The following CLIP1 variants were observed in gnomAD, a reference collection of about 807,000 sequenced individuals.
CLIP1 encodes the protein CAP-Gly domain containing linker protein 1, also known as CAP-Gly domain-containing linker protein 1.
A neutral mutation model predicts 161.6 loss-of-function variants in CLIP1; 66 were observed. The ratio of observed to expected loss-of-function variants is 0.41; its 90% CI spans 0.33 to 0.50. The LOEUF (loss-of-function observed/expected upper bound fraction) is 0.50, where lower values mean the gene tolerates loss of function less well. CLIP1 is among the 20% of genes least tolerant of loss of function. The pLI, the probability that CLIP1 is intolerant of heterozygous loss-of-function variation, is 0.27. For synonymous variants in CLIP1, 598 were observed against 626.2 expected (o/e 0.96, Z 0.67); for missense variants, 1,376 against 1,702.0 (o/e 0.81, Z 3.37).
chr12:122,398,170 C>A (rs892856045), intron 1 of CLIP1, among the ~76,000 whole-genome samples: 6 of 150,724 alleles, frequency 4.0e-5, no homozygotes, highest in Non-Finnish European at 5.9e-5. Flanking sequence ...AATCGCAGCA[C>A]TTCGGAAGGC....
Position 122,355,986 on chromosome 12 carries a change from T to C in CLIP1, c.1006-674A>G, listed in dbSNP as rs1446975627. The C allele has an allele frequency of 1.3e-5, 2 of 152,196 alleles. No homozygotes were observed. The highest frequency in any genetic ancestry group is 4.8e-5 in the African/African-American group (2 of 41,438). The allele number at this position is 152,196 out of a possible 1,614,324, so 9.4% of individuals were successfully genotyped here. On this transcript the variant is annotated intron_variant, in intron 5 of 25. Coordinates refer to ENST00000620786, the MANE Select transcript of CLIP1 (RefSeq NM_001247997.2). This position sits in a 1 kb window ranked among gnomAD's most constrained non-coding sequence, Gnocchi z 4.1. ...GCCTGAAAGCTCTTCTCTTCATCGG[T>C]TTCCCTAGGCCCTTACTGCAAGATG...
At chr12:122,278,714 C>T (rs560813300) in intron 23 of CLIP1, 78 bp downstream of exon 23, 13 of 1,441,148 alleles carry the variant, frequency 9.0e-6, no homozygotes, top group Non-Finnish European at 1.0e-5. Flanking sequence ...GAGCTGTCTT[C>T]GAAGAGCATC....
rs71082966 is a variant in CLIP1 at position 122,330,597 on chromosome 12, G to GTTTTT, written c.2868-2176_2868-2172dup. ...TTCAGCACTGAAGAAGTATAATGCA[G>GTTTTT]TTTTTTTTTTTTTTTTTTTTGAGAT... On this transcript the variant is annotated intron_variant, in intron 15 of 25. Coordinates refer to ENST00000620786, the MANE Select transcript of CLIP1 (RefSeq NM_001247997.2). 5.8e-3 allele frequency among the ~76,000 whole-genome samples: 586 copies of GTTTTT among 101,302 alleles called. 28 individuals are homozygous for GTTTTT. The highest frequency in any genetic ancestry group is 6.9e-3 in the East Asian group (23 of 3,316). The allele number at this position is 101,302 out of a possible 152,430, so 66.5% of individuals were successfully genotyped here.
intron 24 of CLIP1, 149 bp downstream of exon 24, chr12:122,278,005 T>C (rs1384423904): frequency 1.4e-6 from 1 of 718,324 alleles, no homozygotes; most frequent in African/African-American, 1.8e-5. Flanking sequence ...ATATTTTTAA[T>C]TCTGTTTAAT....
intron 11 of CLIP1, among the ~76,000 whole-genome samples, chr12:122,338,850 A>G (rs1952361943): frequency 6.6e-6 from 1 of 152,206 alleles, no homozygotes; most frequent in Non-Finnish European, 1.5e-5. Flanking sequence ...TTGTGTTTTG[A>G]TTAGTATTTC....
At chr12:122,274,408 C>T (rs1265345524) in intron 24 of CLIP1, 12 of 348,944 alleles carry the variant, frequency 3.4e-5, no homozygotes, top group East Asian at 2.0e-4. Flanking sequence ...TCTTTTACCC[C>T]CTCACACCTT....
chr12:122,330,628 C>G (rs1191985276), intron 15 of CLIP1, among the ~76,000 whole-genome samples: 3 of 98,174 alleles, frequency 3.1e-5, no homozygotes, highest in African/African-American at 1.7e-4. Flanking sequence ...GAGATGGAGT[C>G]TCGCACTGTT....
intron 19 of CLIP1, 135 bp downstream of exon 19, chr12:122,316,614 T>C: frequency 1.8e-6 from 1 of 563,778 alleles, no homozygotes; most frequent in Non-Finnish European, 3.1e-6. Context: ...CTGATGTTGC[T>C]TCTGGGGTAT....
chr12:122,352,926 G>A (rs931751543), intron 7 of CLIP1, 140 bp from the exon 8 acceptor site: 8 of 696,294 alleles, frequency 1.1e-5, no homozygotes, highest in East Asian at 2.6e-5. Flanking sequence ...GGTGGAGGCA[G>A]GAGGATCGCT....
At chr12:122,289,808 T>A (rs1348986199) in intron 20 of CLIP1, among the ~76,000 whole-genome samples, 1 of 150,262 alleles carries the variant, frequency 6.7e-6, no homozygotes, top group East Asian at 1.9e-4. Flanking sequence ...TGTTAATGTT[T>A]TTTTTTTTTT....
In CLIP1 at chr12:122,380,371, C is replaced by T; in HGVS notation, c.82G>A (p.Ala28Thr). ...PGSTALKTPT[A>T]VVAPVEKTIS... The stretch of plus-strand genomic sequence containing the variant: ...AAGGAAAAGCGTAAAGTATTACCAG[C>T]CGTAGGTGTCTTCAGAGCTGTGCTT... Residue 28 changes from alanine (A) to threonine (T), a missense_variant, in exon 2 of 26, where the codon GCT (alanine) becomes ACT (threonine). Around this residue, in one of 6 missense-constraint regions of CLIP1, gnomAD observed 66 missense variants for 67.8 expected, o/e 0.97. Coordinates refer to ENST00000620786, the MANE Select transcript of CLIP1 (RefSeq NM_001247997.2). The T allele has an allele frequency of 3.7e-6, 6 of 1,610,568 alleles. No homozygotes were observed. Among genetic ancestry groups the T allele is most frequent in the Middle Eastern group, 1.7e-4 (1 of 6,044 alleles).
In CLIP1 at chr12:122,354,087, T is replaced by G. The variant is rs577999838; in HGVS notation, c.1307+366A>C. Among the ~76,000 whole-genome samples, 375 of 152,080 alleles carry G rather than the reference T, an allele frequency of 2.5e-3. 1 individual carries two copies. Among genetic ancestry groups the G allele is most frequent in the Non-Finnish European group, 3.7e-3 (249 of 67,970 alleles). Reference sequence around the variant, plus strand: ...CATGATTATTAATAGGAAATTTTCTTCTGAGGTCATTGAAAATGAAAAGGC... The same window carrying G: ...CATGATTATTAATAGGAAATTTTCTGCTGAGGTCATTGAAAATGAAAAGGC... On this transcript the variant is annotated intron_variant, in intron 7 of 25. Coordinates refer to ENST00000620786, the MANE Select transcript of CLIP1 (RefSeq NM_001247997.2).
chr12:122,393,022 TC>T (rs1308754557), intron 1 of CLIP1, among the ~76,000 whole-genome samples: 2 of 152,102 alleles, frequency 1.3e-5, no homozygotes, highest in Non-Finnish European at 2.9e-5. Flanking sequence ...CCTCAAGTGA[TC>T]CACCCACCTC....
intron 1 of CLIP1, chr12:122,396,539 C>G (rs982543500): frequency 3.9e-5 from 6 of 152,004 alleles, no homozygotes; most frequent in African/African-American, 1.5e-4. Flanking sequence ...TTTCTTGGGT[C>G]TATAGAAATT....
At chr12:122,394,574 A>G (rs1955826277) in intron 1 of CLIP1, among the ~76,000 whole-genome samples, 1 of 151,576 alleles carries the variant, frequency 6.6e-6, no homozygotes, top group Non-Finnish European at 1.5e-5. Context: ...GGGTTTTCTA[A>G]GTTTTTATTT....
intron 21 of CLIP1, among the ~76,000 whole-genome samples, chr12:122,284,035 C>A (rs1206455563): frequency 6.6e-6 from 1 of 152,074 alleles, no homozygotes; most frequent in African/African-American, 2.4e-5. Context: ...CACGCATAGG[C>A]CTACATATGA....
chr12:122,414,684 T>G (rs1051325504), intron 1 of CLIP1, among the ~76,000 whole-genome samples: 1 of 151,826 alleles, frequency 6.6e-6, no homozygotes. Flanking sequence ...CAGGATGGTC[T>G]TGATCTCTTG....
At chr12:122,417,668 A>G (rs1429847483) in intron 1 of CLIP1, among the ~76,000 whole-genome samples, 1 of 151,734 alleles carries the variant, frequency 6.6e-6, no homozygotes, top group Non-Finnish European at 1.5e-5. Flanking sequence ...ACCCGCCACC[A>G]AGCCTGGCTA....
At chr12:122,419,585 C>T (rs1326607565) in intron 1 of CLIP1, among the ~76,000 whole-genome samples, 5 of 151,888 alleles carry the variant, frequency 3.3e-5, no homozygotes, top group African/African-American at 1.2e-4. Context: ...ATAAGAGAAT[C>T]AACTCATCTC....
Sources: gnomAD v4.1 joint callset for allele counts (sites outside exome capture counted in the v4.1 genomes callset) on GRCh38, gnomAD v4.1.1 for gene constraint, gnomAD v4.1.1 regional missense constraint, Gnocchi (gnomAD v3.1) non-coding constraint, MANE v1.5 for transcripts, NCBI Gene and HGNC (gene_info 2026-07-23, HGNC 2026-07-21) for gene names.